CFAP58: variants seen among roughly 807,000 people sequenced by gnomAD.
CFAP58 encodes cilia and flagella associated protein 58.
In CFAP58, 88 loss-of-function variants were observed where a neutral mutation model predicts 119.5. The ratio of observed to expected loss-of-function variants is 0.74; its 90% CI spans 0.62 to 0.88. The LOEUF is 0.88. Ranked by LOEUF, CFAP58 falls within the 40% of genes least tolerant of loss-of-function variation. The pLI, the probability that CFAP58 is intolerant of heterozygous loss-of-function variation, is 0.00. For missense variants in CFAP58, 990 were observed against 1,021.2 expected (o/e 0.97, Z 0.42); for synonymous variants, 365 against 366.3 (o/e 1.00, Z 0.04).
upstream of CFAP58, chr10:104,353,439 A>T (rs577216124): frequency 6.1e-6 from 1 of 162,624 alleles, no homozygotes; most frequent in South Asian, 1.8e-4. Flanking sequence ...CCTCATCCGG[A>T]ACCTTCTGGT....
At chr10:104,427,990 T>G (rs1447129918) in intron 15 of CFAP58, among the ~76,000 whole-genome samples, 1 of 152,170 alleles carries the variant, frequency 6.6e-6, no homozygotes, top group Non-Finnish European at 1.5e-5. Context: ...GGGATGACAT[T>G]TCCTATGCAA....
intron 15 of CFAP58, among the ~76,000 whole-genome samples, chr10:104,418,104 C>A (rs2012582977): frequency 6.6e-6 from 1 of 152,216 alleles, no homozygotes. Flanking sequence ...TGGCACACAG[C>A]CAGGCTCATT....
intron 11 of CFAP58, 21 bp downstream of exon 11, chr10:104,393,496 G>A (rs769352236): frequency 6.2e-6 from 10 of 1,602,826 alleles, no homozygotes; most frequent in South Asian, 1.1e-5. Context: ...CATAGTAAAA[G>A]CAAAGTACCA....
chr10:104,409,952 CTA>C (rs1286211341), intron 15 of CFAP58, among the ~76,000 whole-genome samples: 19 of 152,154 alleles, frequency 1.2e-4, no homozygotes, highest in African/African-American at 4.1e-4. Flanking sequence ...CAAAAAAATT[CTA>C]TCAGACTGAG....
chr10:104,440,889 C>T (rs890019262), intron 15 of CFAP58, among the ~76,000 whole-genome samples: 1 of 152,168 alleles, frequency 6.6e-6, no homozygotes, highest in African/African-American at 2.4e-5. Context: ...AACTTACCTA[C>T]ACATGCATAG....
intron 15 of CFAP58, among the ~76,000 whole-genome samples, chr10:104,415,280 G>A (rs566430661): frequency 6.6e-6 from 1 of 152,166 alleles, no homozygotes; most frequent in Non-Finnish European, 1.5e-5. Flanking sequence ...GAGATGGGGA[G>A]GGAGGAAAAG....
chr10:104,380,191 A>T lies in CFAP58; in HGVS notation c.1336A>T (p.Ile446Phe). 6.2e-7 allele frequency: 1 copy of T among 1,614,020 alleles called. No homozygotes were observed. The change falls in exon 9 of 18, where the codon ATC (isoleucine) becomes TTC (phenylalanine). Residue 446 changes from isoleucine (I) to phenylalanine (F), a missense_variant. By Grantham distance (21) the Ile-to-Phe change is conservative. Coordinates refer to ENST00000369704, the MANE Select transcript of CFAP58 (RefSeq NM_001008723.2). ...TCTGGAAAAGGAGCGTGACCGGTAC[A>T]TCAACCAAGCCAGTGACCTTACGCA... ...FHLEKERDRY[I>F]NQASDLTQKV...
intron 15 of CFAP58, among the ~76,000 whole-genome samples, chr10:104,421,033 A>G (rs2012649122): frequency 6.6e-6 from 1 of 152,128 alleles, no homozygotes; most frequent in Non-Finnish European, 1.5e-5. Context: ...AATTACACGC[A>G]TGAGCCACCG....
chr10:104,391,545 C>A (rs1215623719), intron 9 of CFAP58, among the ~76,000 whole-genome samples: 1 of 152,154 alleles, frequency 6.6e-6, no homozygotes, highest in Non-Finnish European at 1.5e-5. Flanking sequence ...GTGGACATTG[C>A]AGCAGAGTCA....
At chr10:104,417,441 C>T (rs566405946) in intron 15 of CFAP58, among the ~76,000 whole-genome samples, 1 of 152,280 alleles carries the variant, frequency 6.6e-6, no homozygotes, top group African/African-American at 2.4e-5. Context: ...GGCCCTGGCT[C>T]TTAAACTGCA....
intron 15 of CFAP58, among the ~76,000 whole-genome samples, chr10:104,415,192 C>G (rs1044243460): frequency 1.3e-5 from 2 of 152,010 alleles, no homozygotes; most frequent in African/African-American, 4.8e-5. Context: ...CTCTTCAAAT[C>G]AGACACTGAG....
intron 15 of CFAP58, among the ~76,000 whole-genome samples, chr10:104,415,168 G>A (rs1394404685): frequency 6.6e-6 from 1 of 152,178 alleles, no homozygotes; most frequent in Admixed American, 6.5e-5. Context: ...GTGGGCAGGT[G>A]TCTCAGTTTG....
intron 9 of CFAP58, among the ~76,000 whole-genome samples, chr10:104,387,481 A>C (rs2011947584): frequency 6.6e-6 from 1 of 152,230 alleles, no homozygotes; most frequent in Non-Finnish European, 1.5e-5. Context: ...TAACATCAAC[A>C]GCAAGGGAAA....
intron 9 of CFAP58, among the ~76,000 whole-genome samples, chr10:104,385,841 G>A (rs185809030): frequency 8.5e-5 from 13 of 152,280 alleles, no homozygotes; most frequent in African/African-American, 2.2e-4. Flanking sequence ...GAGACTCTCC[G>A]TAGACTTGCC....
At chr10:104,366,040 A>G in intron 5 of CFAP58, 32 bp downstream of exon 5, 2 of 1,519,290 alleles carry the variant, frequency 1.3e-6, no homozygotes, top group East Asian at 2.4e-5. Flanking sequence ...GCAAAAAACC[A>G]AGAAAAACCC....
rs1343167500 is a variant in CFAP58 at position 104,393,469 on chromosome 10, A to G, written c.1668A>G (p.Thr556=). 1 of 1,613,692 alleles carries G rather than the reference A, an allele frequency of 6.2e-7. No individual in the cohort carries two copies. The highest frequency in any genetic ancestry group is 2.2e-5 in the East Asian group (1 of 44,880). Residue 556 remains threonine (T), a synonymous_variant, in exon 11 of 18, where the codon ACA becomes ACG. Coordinates refer to ENST00000369704, the MANE Select transcript of CFAP58 (RefSeq NM_001008723.2). ...EQQRIEKEKE[T]LKAELQKLRQ... is the part of the protein sequence containing the mutation. ...AGCGAATAGAAAAGGAAAAGGAAACATTGAAGGTACTGACCTCATAGTAAA... is the reference window on the plus strand; with the variant it reads ...AGCGAATAGAAAAGGAAAAGGAAACGTTGAAGGTACTGACCTCATAGTAAA...
At chr10:104,360,042 A>G (rs1044056676) in intron 2 of CFAP58, among the ~76,000 whole-genome samples, 2 of 152,234 alleles carry the variant, frequency 1.3e-5, no homozygotes, top group Non-Finnish European at 2.9e-5. Flanking sequence ...ATAGTTACCC[A>G]AGAGTAATCT....
At chr10:104,375,432 TGGC>T (rs1481145473) in intron 7 of CFAP58, among the ~76,000 whole-genome samples, 4 of 152,192 alleles carry the variant, frequency 2.6e-5, no homozygotes, top group Non-Finnish European at 5.9e-5. Flanking sequence ...AAACAGCAAG[TGGC>T]CGGGTGCAGT....
At chr10:104,440,322 T>C (rs2013017157) in intron 15 of CFAP58, among the ~76,000 whole-genome samples, 1 of 145,020 alleles carries the variant, frequency 6.9e-6, no homozygotes, top group Non-Finnish European at 1.5e-5. Context: ...AAAAAATTCT[T>C]TGGAATAGCC....
Sources: gnomAD v4.1 joint callset for allele counts (sites outside exome capture counted in the v4.1 genomes callset) on GRCh38, gnomAD v4.1.1 for gene constraint, MANE v1.5 for transcripts, NCBI Gene and HGNC (gene_info 2026-07-23, HGNC 2026-07-21) for gene names.